The following ZNF407 variants were observed in gnomAD, a reference collection of about 807,000 sequenced individuals.
ZNF407 encodes the protein zinc finger protein 407.
Under a neutral mutation model 131.2 loss-of-function variants are expected in ZNF407, and 17 were observed. The observed-to-expected ratio is 0.13, with a 90% CI of 0.09 to 0.19. ZNF407 has a LOEUF of 0.19. ZNF407 is among the 10% of genes least tolerant of loss of function. The pLI, the probability that ZNF407 is intolerant of heterozygous loss-of-function variation, is 1.00. For missense variants in ZNF407, 2,681 were observed against 2,830.6 expected (o/e 0.95, Z 1.20); for synonymous variants, 1,156 against 1,062.0 (o/e 1.09, Z -1.72).
intron 8 of ZNF407, among the ~76,000 whole-genome samples, chr18:74,938,477 AC>A (rs1469002385): frequency 6.6e-6 from 1 of 152,032 alleles, no homozygotes; most frequent in Non-Finnish European, 1.5e-5. Flanking sequence ...CACATAGTGT[AC>A]CCTTTTAGAT....
chr18:74,664,622 T>G (rs538833077), intron 3 of ZNF407, among the ~76,000 whole-genome samples: 1 of 152,208 alleles, frequency 6.6e-6, no homozygotes, highest in South Asian at 2.1e-4. Context: ...TAGTGCTTAA[T>G]AAGTTGAAGA....
At chr18:74,664,417 C>A (rs1323944519) in intron 3 of ZNF407, among the ~76,000 whole-genome samples, 2 of 152,082 alleles carry the variant, frequency 1.3e-5, no homozygotes, top group African/African-American at 4.8e-5. Flanking sequence ...ATCACTTGAA[C>A]CAGGGAGGCG....
rs151052076 is a variant in ZNF407 at position 74,969,591 on chromosome 18, T to C, written c.5428+48899T>C. ...GGCAGAAAGGGGTTCCCTGGCCAGG[T>C]CACCAGGTGTCTGTTGGTGGGGAAG... On this transcript the variant is annotated intron_variant, in intron 8 of 8. Coordinates refer to ENST00000299687, the MANE Select transcript of ZNF407 (RefSeq NM_017757.3). Among the ~76,000 whole-genome samples the C allele has an allele frequency of 2.8e-3, 420 of 152,300 alleles. 2 individuals are homozygous for C. Among genetic ancestry groups the C allele is most frequent in the African/African-American group, 9.3e-3 (385 of 41,566 alleles).
At chr18:74,607,993 A>G (rs1054869335) in intron 1 of ZNF407, among the ~76,000 whole-genome samples, 8 of 152,210 alleles carry the variant, frequency 5.3e-5, no homozygotes, top group African/African-American at 1.9e-4. Flanking sequence ...GAAGTTAGAG[A>G]TAGCATATTT....
chr18:74,659,017 A>T (rs891948233), intron 3 of ZNF407, among the ~76,000 whole-genome samples: 1 of 152,134 alleles, frequency 6.6e-6, no homozygotes, highest in Non-Finnish European at 1.5e-5. Flanking sequence ...ATCTAGGGAC[A>T]TGTGAGTGGA....
intron 1 of ZNF407, 151 bp downstream of exon 1, chr18:74,598,088 T>TC (rs1392860319): frequency 5.0e-5 from 4 of 80,472 alleles, no homozygotes; most frequent in African/African-American, 1.4e-4. Flanking sequence ...TCCTCCCCCC[T>TC]CCCCCCGCCT....
intron 4 of ZNF407, among the ~76,000 whole-genome samples, chr18:74,849,337 C>T (rs1259964460): frequency 6.6e-6 from 1 of 152,162 alleles, no homozygotes; most frequent in Non-Finnish European, 1.5e-5. Context: ...CTGTGCCTCC[C>T]AGAGTGCTGG....
chr18:74,985,728 C>G (rs1221812163), intron 8 of ZNF407, among the ~76,000 whole-genome samples: 4 of 152,180 alleles, frequency 2.6e-5, no homozygotes, highest in South Asian at 2.1e-4. Context: ...GGGCCCAACT[C>G]TGCCTGTTGC....
chr18:74,760,389 C>G (rs998190210), intron 3 of ZNF407, among the ~76,000 whole-genome samples: 4 of 152,144 alleles, frequency 2.6e-5, no homozygotes, highest in African/African-American at 9.7e-5. Flanking sequence ...TCACACAGCC[C>G]TGTGCATGTG....
chr18:75,024,922 G>C (rs964033908), intron 8 of ZNF407, among the ~76,000 whole-genome samples: 1 of 152,142 alleles, frequency 6.6e-6, no homozygotes, highest in Admixed American at 6.5e-5. Context: ...AGACTAGGTT[G>C]TACAAAACGA....
At position 74,852,938 on chromosome 18, in the gene ZNF407, T is replaced by C. The variant is rs549359363; in HGVS notation, c.4878-24259T>C. On this transcript the variant is annotated intron_variant, in intron 4 of 8. Coordinates refer to ENST00000299687, the MANE Select transcript of ZNF407 (RefSeq NM_017757.3). ...TACAATTTCTGTTTGCTGTATAATT[T>C]CATAGTCAACTGGTTCTTTAATGGA... Among the ~76,000 whole-genome samples, 346 of 152,346 alleles carry C rather than the reference T, an allele frequency of 2.3e-3. 1 individual carries two copies. The highest frequency in any genetic ancestry group is 0.017 in the Middle Eastern group (5 of 294).
chr18:74,884,338 GAGA>G (rs754227554), intron 6 of ZNF407, among the ~76,000 whole-genome samples: 35 of 152,200 alleles, frequency 2.3e-4, no homozygotes, highest in South Asian at 6.2e-4. Flanking sequence ...ACCCATAAAA[GAGA>G]AGAAGAATTA....
chr18:74,892,382 A>G (rs1163766124), intron 7 of ZNF407, among the ~76,000 whole-genome samples: 2 of 152,174 alleles, frequency 1.3e-5, no homozygotes, highest in African/African-American at 4.8e-5. Flanking sequence ...TAGTGGACCA[A>G]CCTCATAGGA....
intron 8 of ZNF407, among the ~76,000 whole-genome samples, chr18:74,987,009 G>A (rs996161854): frequency 2.0e-5 from 3 of 151,966 alleles, no homozygotes; most frequent in Admixed American, 1.3e-4. Flanking sequence ...TCATGTAAAG[G>A]TATTTTTGAG....
At chr18:74,965,463 A>G (rs1325365705) in intron 8 of ZNF407, among the ~76,000 whole-genome samples, 1 of 152,130 alleles carries the variant, frequency 6.6e-6, no homozygotes, top group East Asian at 1.9e-4. Flanking sequence ...CTCCAGTTCT[A>G]TCCATGTTAT....
chr18:74,980,427 C>T (rs1430416604), intron 8 of ZNF407, among the ~76,000 whole-genome samples: 1 of 152,056 alleles, frequency 6.6e-6, no homozygotes, highest in Admixed American at 6.5e-5. Flanking sequence ...GCCTCAGCCT[C>T]CCGAGTAGCT....
At chr18:74,610,665 T>G (rs367771734) in intron 1 of ZNF407, among the ~76,000 whole-genome samples, 27 of 152,252 alleles carry the variant, frequency 1.8e-4, no homozygotes, top group African/African-American at 6.5e-4. Context: ...TTCTGCTGCC[T>G]CTGCCTCCCA....
intron 8 of ZNF407, among the ~76,000 whole-genome samples, chr18:75,022,148 C>A (rs1973118565): frequency 6.6e-6 from 1 of 151,766 alleles, no homozygotes; most frequent in Admixed American, 6.6e-5. Context: ...AATGATATAC[C>A]CTTTTGTCTA....
At position 74,858,845 on chromosome 18, in the gene ZNF407, A is replaced by G. The variant is rs193280874; in HGVS notation, c.4878-18352A>G. On this transcript the variant is annotated intron_variant, in intron 4 of 8. Coordinates refer to ENST00000299687, the MANE Select transcript of ZNF407 (RefSeq NM_017757.3). ...CTGGAAAAGGAAAGGGTTAAAGGAG[A>G]TCAGGAAAGGACAATCAGACACATT... is the stretch of plus-strand genomic sequence containing the variant. Among the ~76,000 whole-genome samples the G allele has an allele frequency of 2.0e-5, 3 of 152,310 alleles. No individual in the cohort carries two copies. The East Asian group carries it at 5.8e-4, about 29-fold the overall frequency.
Sources: gnomAD v4.1 joint callset for allele counts (sites outside exome capture counted in the v4.1 genomes callset) on GRCh38, gnomAD v4.1.1 for gene constraint, MANE v1.5 for transcripts, NCBI Gene and HGNC (gene_info 2026-07-23, HGNC 2026-07-21) for gene names.